The following MCM5 variants were observed in gnomAD, a reference collection of about 807,000 sequenced individuals.
The protein encoded by MCM5 is minichromosome maintenance complex component 5, also known as DNA replication licensing factor MCM5.
A neutral mutation model predicts 79.9 loss-of-function variants in MCM5; 46 were observed. The observed-to-expected ratio is 0.58, with a 90% confidence interval of 0.45 to 0.74. MCM5 has a LOEUF of 0.74. MCM5 is among the 30% of genes least tolerant of loss of function. MCM5 has a pLI of 0.00. For synonymous variants in MCM5, 404 were observed against 390.5 expected (o/e 1.03, Z -0.41); for missense variants, 883 against 1,017.0 (o/e 0.87, Z 1.79).
chr22:35,444,543 G>T, the MCM5 span, among the ~76,000 whole-genome samples: 1 of 152,174 alleles, frequency 6.6e-6, no homozygotes, highest in South Asian at 2.1e-4. Context: ...CCTGTGGCCT[G>T]TGACTCGTGG....
chr22:35,406,307 C>CCCA lies in MCM5; in HGVS notation c.424-246_424-245insCCA, dbSNP rs1555903422. Among the ~76,000 whole-genome samples the CCCA allele has an allele frequency of 3.7e-4, 53 of 144,418 alleles. 4 individuals carry two copies. Among genetic ancestry groups the CCCA allele is most frequent in the Non-Finnish European group, 5.5e-4 (36 of 64,866 alleles). 94.7% of individuals were successfully genotyped at this position (144,418 alleles called of 152,430 possible). ...TCTCTTGCCCTGCCACCTCCCCCCCCAATTGTGCTGCGAGGTCTTTAAAAG... is the reference window on the plus strand; with the variant it reads ...TCTCTTGCCCTGCCACCTCCCCCCCCCCAAATTGTGCTGCGAGGTCTTTAAAAG... On this transcript the variant is annotated intron_variant, in intron 4 of 16. Coordinates refer to ENST00000216122, the MANE Select transcript of MCM5 (RefSeq NM_006739.4).
intron 12 of MCM5, 65 bp from the exon 13 acceptor site, chr22:35,417,679 C>G (rs1353990995): frequency 8.6e-7 from 1 of 1,157,954 alleles, no homozygotes; most frequent in Admixed American, 1.7e-5. Flanking sequence ...GCTGTTCCAC[C>G]TCAGTGCTGG....
chr22:35,407,366 C>T (rs931029005), intron 5 of MCM5, among the ~76,000 whole-genome samples: 16 of 152,272 alleles, frequency 1.1e-4, no homozygotes, highest in Middle Eastern at 3.4e-3. Context: ...CCTGATCCCC[C>T]GCGTCCACCC....
rs1932538037 is a variant in MCM5, at chr22:35,416,327, T to C, written c.1348-12T>C. The stretch of plus-strand genomic sequence containing the variant: ...CAGTAGGTCTGATGATATTTCTCTC[T>C]TCCCCACTTAGATGCGAGAAGATGA... On this transcript the variant is annotated splice_polypyrimidine_tract_variant and intron_variant, in intron 10 of 16. Transcript: ENST00000216122. 6.2e-7 allele frequency: 1 copy of C among 1,613,404 alleles called. No individual in the cohort carries two copies. The highest frequency in any genetic ancestry group is 8.5e-7 in the Non-Finnish European group (1 of 1,179,548).
Position 35,415,925 on chromosome 22 carries a change from A to G in MCM5, c.1300A>G (p.Met434Val). Residue 434 changes from methionine to valine, a missense_variant, in exon 10 of 17, where the codon ATG becomes GTG. Met to Val is a conservative substitution (Grantham distance 21). Transcript: ENST00000216122. ...GAATTTCATCATGGAGGGCGGAGCCATGGTCCTGGCCGATGGTGGGGTCGT... is the reference window on the plus strand; with the variant it reads ...GAATTTCATCATGGAGGGCGGAGCCGTGGTCCTGGCCGATGGTGGGGTCGT... ...SRNFIMEGGA[M>V]VLADGGVVCI... The G allele has an allele frequency of 6.2e-7, 1 of 1,614,166 alleles. No individual in the cohort carries two copies. Among genetic ancestry groups the G allele is most frequent in the Non-Finnish European group, 8.5e-7 (1 of 1,180,034 alleles).
At position 35,412,774 on chromosome 22, in the gene MCM5, T is replaced by C. The variant is rs4645783; in HGVS notation, c.1091+93T>C. On this transcript the variant is annotated intron_variant, in intron 8 of 16. Transcript: ENST00000216122. ...TGGATAATCAGGACTGGGCACTCTT[T>C]TTTGTATTTCCTGGGCCCCTCAGTC... 0.015 allele frequency: 16,756 copies of C among 1,129,768 alleles called. 834 individuals carry two copies. The African/African-American group carries it at 0.15, about 10-fold the overall frequency. 70.0% of individuals were successfully genotyped at this position (1,129,768 alleles called of 1,614,324 possible). A position where few individuals can be genotyped will look rare whatever the true frequency, so the allele number is the denominator to read the frequency against.
intron 9 of MCM5, among the ~76,000 whole-genome samples, chr22:35,415,454 C>T (rs892678209): frequency 6.6e-6 from 1 of 152,040 alleles, no homozygotes; most frequent in African/African-American, 2.4e-5. Context: ...AAGGGACTCA[C>T]GATGGGGGCA....
At chr22:35,407,197 T>TA (rs1569064923) in intron 5 of MCM5, among the ~76,000 whole-genome samples, 2 of 152,024 alleles carry the variant, frequency 1.3e-5, no homozygotes, top group Non-Finnish European at 2.9e-5. Flanking sequence ...TTCTAGAAAA[T>TA]GTTTGCTGCC....
the MCM5 span, among the ~76,000 whole-genome samples, chr22:35,434,342 A>T: frequency 6.6e-6 from 1 of 152,016 alleles, no homozygotes; most frequent in South Asian, 2.1e-4. Context: ...CATCTTCTAC[A>T]CACTGTGTGG....
At chr22:35,446,252 A>G in the MCM5 span, among the ~76,000 whole-genome samples, 1 of 152,212 alleles carries the variant, frequency 6.6e-6, no homozygotes, top group Admixed American at 6.5e-5. Context: ...TAATAAGGGT[A>G]TGTCAGGGTG....
the MCM5 span, among the ~76,000 whole-genome samples, chr22:35,436,916 A>G: frequency 1.5e-4 from 23 of 152,284 alleles, no homozygotes; most frequent in Middle Eastern, 3.4e-3. Context: ...GCAGATGAGG[A>G]TGGAAGGGTG....
chr22:35,407,561 C>T (rs1031047958), intron 5 of MCM5, among the ~76,000 whole-genome samples: 1 of 152,142 alleles, frequency 6.6e-6, no homozygotes, highest in African/African-American at 2.4e-5. Context: ...TTCTGGAATA[C>T]ACTGACTACC....
chr22:35,434,512 C>T, the MCM5 span, among the ~76,000 whole-genome samples: 1 of 152,162 alleles, frequency 6.6e-6, no homozygotes, highest in Non-Finnish European at 1.5e-5. Flanking sequence ...ATCACAGTGG[C>T]CAGAGAGATG....
intron 2 of MCM5, 82 bp downstream of exon 2, chr22:35,400,687 G>A: frequency 1.4e-6 from 2 of 1,441,420 alleles, no homozygotes; most frequent in South Asian, 1.4e-5. Flanking sequence ...GTCCTGGACA[G>A]TCAGGGCACA....
the MCM5 span, among the ~76,000 whole-genome samples, chr22:35,435,169 G>A: frequency 3.3e-5 from 5 of 152,152 alleles, no homozygotes; most frequent in South Asian, 1.0e-3. Context: ...AAAAAGGAAT[G>A]AGGAGGAGGC....
chr22:35,453,582 G>C, the MCM5 span, among the ~76,000 whole-genome samples: 1 of 151,148 alleles, frequency 6.6e-6, no homozygotes, highest in Admixed American at 6.6e-5. Flanking sequence ...GAATCAGAGA[G>C]ACAGACAGAG....
At chr22:35,401,580 CTGAG>C (rs1444241147) in intron 2 of MCM5, 1 of 470,398 alleles carries the variant, frequency 2.1e-6, no homozygotes, top group African/African-American at 2.0e-5. Flanking sequence ...CCATTATTAG[CTGAG>C]TGACTTCCAG....
At chr22:35,417,668 G>C in intron 12 of MCM5, 76 bp from the exon 13 acceptor site, 1 of 1,031,186 alleles carries the variant, frequency 9.7e-7, no homozygotes, top group Non-Finnish European at 1.5e-6. Flanking sequence ...AGCTCTTTCT[G>C]GCTGTTCCAC....
chr22:35,402,355 C>T, intron 2 of MCM5, among the ~76,000 whole-genome samples: 1 of 147,768 alleles, frequency 6.8e-6, no homozygotes, highest in Admixed American at 6.8e-5. Flanking sequence ...GAGATGGAGT[C>T]TCGCTCTGTC....
Sources: allele counts gnomAD v4.1 joint callset (sites outside exome capture counted in the v4.1 genomes callset), GRCh38; gene constraint gnomAD v4.1.1; transcripts MANE v1.5; gene names NCBI Gene and HGNC (gene_info 2026-07-23, HGNC 2026-07-21).